Variants in CC2D2A observed in about 807,000 individuals in gnomAD.
The protein encoded by CC2D2A is coiled-coil and C2 domain-containing protein 2A.
A neutral mutation model predicts 212.9 loss-of-function variants in CC2D2A; 155 were observed. The ratio of observed to expected loss-of-function variants is 0.73; its 90% CI spans 0.64 to 0.83. The LOEUF is 0.83. Ranked by LOEUF, CC2D2A falls within the 40% of genes least tolerant of loss-of-function variation. The pLI, the probability that CC2D2A is intolerant of heterozygous loss-of-function variation, is 0.00. For synonymous variants in CC2D2A, 667 were observed against 686.5 expected (o/e 0.97, Z 0.44); for missense variants, 1,856 against 1,956.2 (o/e 0.95, Z 0.97).
At chr4:15,595,522 CTATT>C (rs1465565886) in intron 33 of CC2D2A, among the ~76,000 whole-genome samples, 3 of 152,184 alleles carry the variant, frequency 2.0e-5, no homozygotes, top group Admixed American at 6.5e-5. Flanking sequence ...GAGGTAGATA[CTATT>C]TATTATCCCA....
rs1020101511 is a variant in CC2D2A, at chr4:15,479,098, G to A, written c.123+292G>A. 6.7e-6 allele frequency: 5 copies of A among 750,398 alleles called. No individual in the cohort carries two copies. In the African/African-American group the frequency reaches 6.9e-5, roughly 10 times the overall value. 46.5% of individuals were successfully genotyped at this position (750,398 alleles called of 1,614,324 possible). A position where few individuals can be genotyped will look rare whatever the true frequency, so the allele number is the denominator to read the frequency against. ...GAGGACTCTAGAAAAGATGGAAGGA[G>A]CCTGTTTTAGTGCTTCATTGAAGGC... On this transcript the variant is annotated intron_variant, in intron 3 of 36. Transcript: ENST00000424120.
intron 17 of CC2D2A, among the ~76,000 whole-genome samples, chr4:15,547,066 T>C (rs540181657): frequency 6.6e-6 from 1 of 152,288 alleles, no homozygotes; most frequent in African/African-American, 2.4e-5. Flanking sequence ...GGTATAGAAA[T>C]GTCTGCAGGA....
chr4:15,545,228 A>G (rs1718649581), intron 17 of CC2D2A, among the ~76,000 whole-genome samples: 1 of 152,242 alleles, frequency 6.6e-6, no homozygotes, highest in African/African-American at 2.4e-5. Flanking sequence ...CTCACCTAAA[A>G]TACATCTGTT....
At chr4:15,480,908 A>G in intron 4 of CC2D2A, 81 bp downstream of exon 4, 1 of 1,498,240 alleles carries the variant, frequency 6.7e-7, no homozygotes, top group South Asian at 1.3e-5. Flanking sequence ...GGGATTTTTT[A>G]TGGGTGTTAT....
intron 17 of CC2D2A, among the ~76,000 whole-genome samples, chr4:15,545,631 T>C (rs1358734810): frequency 6.6e-6 from 1 of 151,982 alleles, no homozygotes; most frequent in African/African-American, 2.4e-5. Flanking sequence ...GCCAAGGCAG[T>C]TCTACAAGCA....
intron 30 of CC2D2A, among the ~76,000 whole-genome samples, chr4:15,583,810 G>T (rs1251854314): frequency 1.3e-5 from 2 of 152,040 alleles, no homozygotes; most frequent in Non-Finnish European, 2.9e-5. Flanking sequence ...AGTTAGCCGG[G>T]CGTGGTGGCG....
chr4:15,598,021 T>C (rs990715341), intron 35 of CC2D2A, among the ~76,000 whole-genome samples: 3 of 152,214 alleles, frequency 2.0e-5, no homozygotes, highest in Admixed American at 1.3e-4. Flanking sequence ...TTCTACTGTA[T>C]TAAGCTGTGT....
rs1201825419 is a variant in CC2D2A, at chr4:15,596,193, C to T, written c.4423C>T (p.Leu1475Phe). 3.9e-6 allele frequency: 6 copies of T among 1,540,772 alleles called. No homozygotes were observed. Among genetic ancestry groups the T allele is most frequent in the Non-Finnish European group, 3.5e-6 (4 of 1,142,624 alleles). Residue 1475 changes from leucine to phenylalanine, a missense_variant, in exon 34 of 37, where the codon CTT becomes TTT. This residue lies in a region of CC2D2A where 285 missense variants were observed against 278.4 expected (regional missense o/e 1.02). Coordinates refer to ENST00000424120, the MANE Select transcript of CC2D2A (RefSeq NM_001378615.1). ...FFSRSLPYPG[L>F]SSVQPEELIY... is the part of the protein sequence containing the mutation. The stretch of plus-strand genomic sequence containing the variant: ...TTCAAGAAGCCTTCCATATCCTGGC[C>T]TTTCCAGTGTTCAGGTATAAATCTT...
chr4:15,537,647 T>C (rs928579713), intron 15 of CC2D2A, among the ~76,000 whole-genome samples: 2 of 152,202 alleles, frequency 1.3e-5, no homozygotes, highest in Non-Finnish European at 2.9e-5. Context: ...GACTAGGCTG[T>C]ATGACAAATG....
intron 1 of CC2D2A, among the ~76,000 whole-genome samples, chr4:15,470,899 G>T (rs983311687): frequency 2.0e-5 from 3 of 151,862 alleles, no homozygotes; most frequent in Admixed American, 1.3e-4. Flanking sequence ...AGAGTACAAT[G>T]AGCTAAGTGC....
intron 36 of CC2D2A, 146 bp from the exon 37 acceptor site, chr4:15,601,091 T>C (rs1721571968): frequency 2.9e-6 from 2 of 686,156 alleles, no homozygotes; most frequent in East Asian, 2.7e-5. Context: ...CTCGATTTTC[T>C]GTATTGCTAA....
chr4:15,583,829 T>C (rs1720750059), intron 30 of CC2D2A, among the ~76,000 whole-genome samples: 1 of 151,902 alleles, frequency 6.6e-6, no homozygotes, highest in Non-Finnish European at 1.5e-5. Context: ...CGGGCACCTG[T>C]AGTCCCAGCT....
chr4:15,568,233 T>C (rs1429532609), intron 26 of CC2D2A, among the ~76,000 whole-genome samples: 4 of 152,248 alleles, frequency 2.6e-5, no homozygotes, highest in Non-Finnish European at 5.9e-5. Flanking sequence ...TGGTTCTTAT[T>C]ATTTCAGTAC....
At position 15,516,648 on chromosome 4, in the gene CC2D2A, C is replaced by T. The variant is rs371086728; in HGVS notation, c.1041C>T (p.Asp347=). 6.7e-4 allele frequency: 1,076 copies of T among 1,612,664 alleles called. 1 individual carries two copies. The highest frequency in any genetic ancestry group is 3.0e-3 in the South Asian group (271 of 90,848). Residue 347 remains aspartate, a synonymous_variant, in exon 11 of 37, where the codon GAC becomes GAT. Transcript: ENST00000424120. The part of the protein sequence containing the change: ...QDPERRWFGD[D]GRILALPNPI... ...AGGAAAGAAGATGGTTTGGAGATGA[C>T]GGCAGGATCCTAGCTCTGCCAAACC...
chr4:15,561,059 G>A (rs1419924363), intron 23 of CC2D2A, among the ~76,000 whole-genome samples: 1 of 152,222 alleles, frequency 6.6e-6, no homozygotes, highest in East Asian at 1.9e-4. Flanking sequence ...AGGAAACCTG[G>A]TTGCAGCACC....
At chr4:15,592,694 G>A (rs1430783024) in intron 33 of CC2D2A, among the ~76,000 whole-genome samples, 1 of 151,960 alleles carries the variant, frequency 6.6e-6, no homozygotes, top group African/African-American at 2.4e-5. Context: ...ATTCTTCTAG[G>A]ACCACACCTA....
intron 4 of CC2D2A, among the ~76,000 whole-genome samples, chr4:15,489,883 C>G (rs947514581): frequency 3.3e-5 from 5 of 152,204 alleles, no homozygotes; most frequent in African/African-American, 1.2e-4. Flanking sequence ...GCCTCACTGG[C>G]TGTACCTCTT....
chr4:15,511,543 C>G (rs1468131388), intron 8 of CC2D2A, 120 bp downstream of exon 8: 1 of 897,922 alleles, frequency 1.1e-6, no homozygotes, highest in East Asian at 3.2e-5. Flanking sequence ...AATGACACTC[C>G]ACGTCTGAGT....
At chr4:15,567,167 C>T (rs1485244582) in intron 24 of CC2D2A, among the ~76,000 whole-genome samples, 1 of 151,894 alleles carries the variant, frequency 6.6e-6, no homozygotes, top group Non-Finnish European at 1.5e-5. Context: ...CCTGTAGTCC[C>T]AGCTACTTGG....
Sources: gnomAD v4.1 joint callset for allele counts (sites outside exome capture counted in the v4.1 genomes callset) on GRCh38, gnomAD v4.1.1 for gene constraint, gnomAD v4.1.1 regional missense constraint, MANE v1.5 for transcripts, NCBI Gene and HGNC (gene_info 2026-07-23, HGNC 2026-07-21) for gene names.